Variants in MTHFS observed in about 807,000 individuals in gnomAD.
MTHFS encodes the protein methenyltetrahydrofolate synthetase, also known as 5-formyltetrahydrofolate cyclo-ligase.
Under a neutral mutation model 12.7 loss-of-function variants are expected in MTHFS, and 7 were observed. The ratio of observed to expected loss-of-function variants is 0.55; its 90% confidence interval spans 0.31 to 1.03. The LOEUF (loss-of-function observed/expected upper bound fraction) is 1.03, where lower values mean the gene tolerates loss of function less well. Ranked by LOEUF, MTHFS falls within the 50% of genes least tolerant of loss-of-function variation. MTHFS has a pLI of 0.05. For missense variants in MTHFS, 252 were observed against 258.1 expected (o/e 0.98, Z 0.16); for synonymous variants, 100 against 97.1 (o/e 1.03, Z -0.18).
intron 2 of MTHFS, among the ~76,000 whole-genome samples, chr15:79,879,491 CT>C (rs34972173): frequency 0.11 from 16,320 of 151,786 alleles, 1,086 homozygotes; most frequent in South Asian, 0.2. Context: ...GCATGCCCAG[CT>C]AATTTTTTTC....
chr15:79,878,017 G>A (rs2141366634), intron 2 of MTHFS: 1 of 152,084 alleles, frequency 6.6e-6, no homozygotes, highest in Middle Eastern at 3.4e-3. Flanking sequence ...AAATCCTTTG[G>A]GCCAAAAGGA....
chr15:79,850,046 A>C, intron 2 of MTHFS, among the ~76,000 whole-genome samples: 1 of 152,274 alleles, frequency 6.6e-6, no homozygotes, highest in East Asian at 1.9e-4. Context: ...ATCATAGGAA[A>C]GCTACTGCAA....
In MTHFS at chr15:79,864,708, C is replaced by T. The variant is rs2033979899; in HGVS notation, c.380-19266G>A. Among the ~76,000 whole-genome samples the T allele has an allele frequency of 2.0e-5, 3 of 151,934 alleles. No homozygotes were observed. The South Asian group carries it at 6.2e-4, about 32-fold the overall frequency. ...TCCAGGCTTATGACAAGTTAGTACCCCCTTGCTTGGCACAGTGTCACACAC... is the reference window on the plus strand; with the variant it reads ...TCCAGGCTTATGACAAGTTAGTACCTCCTTGCTTGGCACAGTGTCACACAC... On this transcript the variant is annotated intron_variant, in intron 2 of 2. Coordinates refer to ENST00000258874, the MANE Select transcript of MTHFS (RefSeq NM_006441.4).
At chr15:79,845,584 G>T in intron 2 of MTHFS, 142 bp from the exon 3 acceptor site, 1 of 1,196,622 alleles carries the variant, frequency 8.4e-7, no homozygotes, top group Non-Finnish European at 1.1e-6. Flanking sequence ...AAAAAGCACA[G>T]AGTTGGACAA....
At chr15:79,851,727 C>T (rs1007134678) in intron 2 of MTHFS, among the ~76,000 whole-genome samples, 1 of 152,148 alleles carries the variant, frequency 6.6e-6, no homozygotes, top group African/African-American at 2.4e-5. Flanking sequence ...TCATAAGAGA[C>T]TCAGCTCATA....
At chr15:79,852,645 A>T (rs2033736837) in intron 2 of MTHFS, among the ~76,000 whole-genome samples, 1 of 152,192 alleles carries the variant, frequency 6.6e-6, no homozygotes, top group South Asian at 2.1e-4. Flanking sequence ...CTTTTAACAC[A>T]GATACTAACA....
At chr15:79,858,015 CAA>C (rs71453466) in intron 2 of MTHFS, among the ~76,000 whole-genome samples, 3 of 59,466 alleles carry the variant, frequency 5.0e-5, no homozygotes, top group Non-Finnish European at 9.9e-5. Flanking sequence ...GACTCCATCT[CAA>C]AAAAAAAAAA....
chr15:79,875,138 C>T (rs1180231403), intron 2 of MTHFS, among the ~76,000 whole-genome samples: 1 of 152,100 alleles, frequency 6.6e-6, no homozygotes, highest in Non-Finnish European at 1.5e-5. Context: ...GCAGTAAAGA[C>T]AGGTGTAAGA....
intron 2 of MTHFS, among the ~76,000 whole-genome samples, chr15:79,869,339 GC>G (rs1255858307): frequency 2.0e-5 from 3 of 152,268 alleles, no homozygotes; most frequent in African/African-American, 4.8e-5. Context: ...TCAGGACAAA[GC>G]TTTTAACAAT....
chr15:79,890,858 C>A (rs2034461122), intron 1 of MTHFS, among the ~76,000 whole-genome samples: 1 of 152,136 alleles, frequency 6.6e-6, no homozygotes, highest in South Asian at 2.1e-4. Context: ...AAACCTAGAC[C>A]TGGGCAGGCC....
intron 2 of MTHFS, among the ~76,000 whole-genome samples, chr15:79,863,410 G>A (rs2033951902): frequency 6.6e-6 from 1 of 152,204 alleles, no homozygotes; most frequent in African/African-American, 2.4e-5. Flanking sequence ...AATCCCAGAT[G>A]TGTGACATAC....
At chr15:79,851,784 G>T (rs1352353247) in intron 2 of MTHFS, among the ~76,000 whole-genome samples, 1 of 152,168 alleles carries the variant, frequency 6.6e-6, no homozygotes, top group Non-Finnish European at 1.5e-5. Flanking sequence ...AATATACATG[G>T]TTCCTATTAC....
At position 79,896,268 on chromosome 15, in the gene MTHFS, G is replaced by A. The variant is rs143670408; in HGVS notation, c.117+604C>T. ...CCAACTCTGAGACAGGAAAAGCCTAGGCCCTGGAGCTACTGAGACACAGCC... is the reference window on the plus strand; with the variant it reads ...CCAACTCTGAGACAGGAAAAGCCTAAGCCCTGGAGCTACTGAGACACAGCC... On this transcript the variant is annotated intron_variant, in intron 1 of 2. Coordinates refer to ENST00000258874, the MANE Select transcript of MTHFS (RefSeq NM_006441.4). 2.6e-5 allele frequency among the ~76,000 whole-genome samples: 4 copies of A among 152,328 alleles called. No homozygotes were observed. In the East Asian group the frequency reaches 7.7e-4, roughly 29 times the overall value.
chr15:79,858,740 T>C (rs987031797), intron 2 of MTHFS, among the ~76,000 whole-genome samples: 1 of 152,214 alleles, frequency 6.6e-6, no homozygotes, highest in African/African-American at 2.4e-5. Flanking sequence ...AACCTAGTCT[T>C]GAATACTTTG....
chr15:79,871,134 C>T (rs1217295356), intron 2 of MTHFS, among the ~76,000 whole-genome samples: 1 of 151,978 alleles, frequency 6.6e-6, no homozygotes, highest in Non-Finnish European at 1.5e-5. Context: ...CAGAGTGAGA[C>T]TCTGTCTCAA....
chr15:79,859,791 C>A (rs2033877563), intron 2 of MTHFS, among the ~76,000 whole-genome samples: 1 of 127,626 alleles, frequency 7.8e-6, no homozygotes, highest in Non-Finnish European at 1.6e-5. Context: ...GCACTCCAGG[C>A]TGGAAGACAG....
chr15:79,860,829 T>G (rs1031838231), intron 2 of MTHFS, among the ~76,000 whole-genome samples: 1 of 152,198 alleles, frequency 6.6e-6, no homozygotes, highest in Admixed American at 6.5e-5. Context: ...CCGGTTACAG[T>G]GTACTTTCTT....
At chr15:79,866,350 G>C (rs962334432) in intron 2 of MTHFS, among the ~76,000 whole-genome samples, 4 of 152,176 alleles carry the variant, frequency 2.6e-5, no homozygotes, top group African/African-American at 9.7e-5. Context: ...CCTGATGGAA[G>C]AGTTTGAATC....
At chr15:79,857,345 GA>G (rs1186105433) in intron 2 of MTHFS, among the ~76,000 whole-genome samples, 1 of 152,062 alleles carries the variant, frequency 6.6e-6, no homozygotes, top group East Asian at 1.9e-4. Context: ...CAAGCCTTAA[GA>G]GTTTAGTAAA....
Sources: gnomAD v4.1 joint callset for allele counts (sites outside exome capture counted in the v4.1 genomes callset) on GRCh38, gnomAD v4.1.1 for gene constraint, MANE v1.5 for transcripts, NCBI Gene and HGNC (gene_info 2026-07-23, HGNC 2026-07-21) for gene names.